The following CLCN3 variants were observed in gnomAD, a reference collection of about 807,000 sequenced individuals.
The protein encoded by CLCN3 is Cl-/H+ antiporter 3.
In CLCN3, 16 loss-of-function variants were observed where a neutral mutation model predicts 83.4. The ratio of observed to expected loss-of-function variants is 0.19; its 90% CI spans 0.13 to 0.29. The LOEUF is 0.29. Ranked by LOEUF, CLCN3 falls within the 10% of genes least tolerant of loss-of-function variation. The probability of loss-of-function intolerance (pLI) is 1.00; values close to 1 mark genes in which losing one functional copy is unlikely to be tolerated. For missense variants in CLCN3, 544 were observed against 1,006.0 expected, an observed-to-expected ratio of 0.54 and a Z score of 6.21; for synonymous variants, 322 against 346.2, an observed-to-expected ratio of 0.93 and a Z score of 0.78.
rs927084931 is a variant in CLCN3, at chr4:169,720,491, A to C, written c.*494A>C. On this transcript the variant is annotated 3_prime_UTR_variant, in exon 13 of 13. Coordinates refer to ENST00000513761, the MANE Select transcript of CLCN3 (RefSeq NM_001829.4). ...GTTTAATTCATGAATTGTATAGTTA[A>C]GCATTACCTTTCTACATTCCAGAAG... The C allele has an allele frequency of 1.9e-5, 3 of 154,118 alleles. No homozygotes were observed. Among genetic ancestry groups the C allele is most frequent in the African/African-American group, 7.3e-5 (3 of 41,340 alleles). 9.5% of individuals were successfully genotyped at this position (154,118 alleles called of 1,614,324 possible).
chr4:169,637,097 A>G (rs569427956), intron 2 of CLCN3, among the ~76,000 whole-genome samples: 1 of 152,144 alleles, frequency 6.6e-6, no homozygotes, highest in Admixed American at 6.5e-5. Context: ...TTTGGTTTCA[A>G]TTTATGTTTA....
rs1422363200 is a variant in CLCN3, at chr4:169,629,132, G to A, written c.-16-6781G>A. 4.6e-5 allele frequency among the ~76,000 whole-genome samples: 7 copies of A among 152,138 alleles called. No homozygotes were observed. In the East Asian group the frequency reaches 1.3e-3, roughly 29 times the overall value. On this transcript the variant is annotated intron_variant, in intron 1 of 12. Transcript: ENST00000513761. The stretch of plus-strand genomic sequence containing the variant: ...GGTTGCTAGGGGTTAAGGAGGGATG[G>A]CCATAAAACGGCAACATGAGAGATA...
chr4:169,632,953 A>G (rs1773416150), intron 1 of CLCN3, among the ~76,000 whole-genome samples: 1 of 152,134 alleles, frequency 6.6e-6, no homozygotes. Flanking sequence ...TAGATAATAT[A>G]GGAATTTATT....
chr4:169,635,573 A>T (rs2150202115), intron 1 of CLCN3, among the ~76,000 whole-genome samples: 1 of 152,268 alleles, frequency 6.6e-6, no homozygotes, highest in African/African-American at 2.4e-5. Context: ...CAAACCTTGT[A>T]CTTCAGCCAT....
intron 2 of CLCN3, among the ~76,000 whole-genome samples, chr4:169,639,501 G>A (rs1730339902): frequency 6.6e-6 from 1 of 152,216 alleles, no homozygotes; most frequent in South Asian, 2.1e-4. Flanking sequence ...TTAGAATTGG[G>A]AAGGTTGTAA....
chr4:169,657,940 C>G (rs906158186), intron 2 of CLCN3, among the ~76,000 whole-genome samples: 2 of 152,132 alleles, frequency 1.3e-5, no homozygotes, highest in Non-Finnish European at 2.9e-5. Flanking sequence ...GCCACATCTT[C>G]CAGTCTACCT....
chr4:169,667,958 C>T (rs1731307154), intron 2 of CLCN3, among the ~76,000 whole-genome samples: 2 of 149,600 alleles, frequency 1.3e-5, no homozygotes, highest in Non-Finnish European at 1.5e-5. Flanking sequence ...CCAGGCTGCT[C>T]TTGAACTCCT....
chr4:169,660,408 G>T (rs1228079692), intron 2 of CLCN3: 11 of 1,407,462 alleles, frequency 7.8e-6, no homozygotes, highest in Non-Finnish European at 1.0e-5. Flanking sequence ...CTTATGACGG[G>T]GGAGGAGACA....
chr4:169,636,432 A>G (rs1266423152), intron 2 of CLCN3, among the ~76,000 whole-genome samples: 1 of 152,202 alleles, frequency 6.6e-6, no homozygotes, highest in Non-Finnish European at 1.5e-5. Context: ...CATTTATTAT[A>G]TAACTACTCC....
intron 2 of CLCN3, among the ~76,000 whole-genome samples, chr4:169,661,697 T>C (rs1305194573): frequency 6.6e-6 from 1 of 152,138 alleles, no homozygotes; most frequent in Non-Finnish European, 1.5e-5. Flanking sequence ...AATTTTGATA[T>C]ATGTGTATAT....
chr4:169,679,038 G>T (rs1731802018), intron 2 of CLCN3, among the ~76,000 whole-genome samples: 1 of 149,952 alleles, frequency 6.7e-6, no homozygotes, highest in Non-Finnish European at 1.5e-5. Flanking sequence ...CCGGGCGGGG[G>T]CGCCCCCCAC....
chr4:169,706,654 T>A (rs990177985), intron 10 of CLCN3, among the ~76,000 whole-genome samples: 1 of 152,232 alleles, frequency 6.6e-6, no homozygotes, highest in African/African-American at 2.4e-5. Flanking sequence ...AATAGTCTTC[T>A]CTGTTATAAA....
intron 11 of CLCN3, among the ~76,000 whole-genome samples, chr4:169,711,136 TAC>T (rs1005046067): frequency 5.9e-5 from 9 of 152,228 alleles, no homozygotes; most frequent in African/African-American, 2.2e-4. Context: ...TTACAAAAAC[TAC>T]AGAGTTTTAC....
intron 3 of CLCN3, among the ~76,000 whole-genome samples, chr4:169,687,004 T>TG (rs1353438653): frequency 6.6e-6 from 1 of 152,170 alleles, no homozygotes; most frequent in Admixed American, 6.5e-5. Flanking sequence ...CTATAAGTTT[T>TG]GGGGGGTCCC....
At chr4:169,630,979 A>G (rs1345841990) in intron 1 of CLCN3, among the ~76,000 whole-genome samples, 31 of 152,208 alleles carry the variant, frequency 2.0e-4, no homozygotes, top group Admixed American at 2.0e-3. Context: ...ATACCCAGTA[A>G]TGGCATTGCT....
chr4:169,633,226 G>A (rs868515764), intron 1 of CLCN3, among the ~76,000 whole-genome samples: 21 of 152,076 alleles, frequency 1.4e-4, no homozygotes, highest in African/African-American at 5.1e-4. Context: ...GGCCAGGTGG[G>A]TCTTGAGCTC....
chr4:169,690,766 T>A (rs1248580497), intron 6 of CLCN3, 114 bp downstream of exon 6: 8 of 993,936 alleles, frequency 8.0e-6, no homozygotes, highest in Non-Finnish European at 1.1e-5. Context: ...GTTCATAATA[T>A]GAAAAAAAAA....
intron 2 of CLCN3, among the ~76,000 whole-genome samples, chr4:169,672,619 C>G (rs1160690694): frequency 6.6e-6 from 1 of 151,948 alleles, no homozygotes; most frequent in Non-Finnish European, 1.5e-5. Flanking sequence ...ATTTTTTGTA[C>G]TTATCTCATT....
At chr4:169,643,618 G>A (rs138258445) in intron 2 of CLCN3, among the ~76,000 whole-genome samples, 3 of 150,800 alleles carry the variant, frequency 2.0e-5, no homozygotes, top group Admixed American at 2.0e-4. Flanking sequence ...CTGCAGCCTC[G>A]ACCTCCATGG....
Sources: allele counts gnomAD v4.1 joint callset (sites outside exome capture counted in the v4.1 genomes callset), GRCh38; gene constraint gnomAD v4.1.1; transcripts MANE v1.5; gene names NCBI Gene and HGNC (gene_info 2026-07-23, HGNC 2026-07-21).